The following UIMC1 variants were observed in gnomAD, a reference collection of about 807,000 sequenced individuals.
UIMC1 encodes the protein BRCA1-A complex subunit RAP80.
UIMC1 carries 42 observed loss-of-function variants against 84.9 expected under a neutral mutation model. That is an observed-to-expected ratio of 0.49 (90% CI 0.39 to 0.64). The LOEUF is 0.64. UIMC1 is among the 30% of genes least tolerant of loss of function. The pLI is 0.00. For missense variants in UIMC1, 825 were observed against 847.6 expected, an observed-to-expected ratio of 0.97 and a Z score of 0.33; for synonymous variants, 281 against 293.0, an observed-to-expected ratio of 0.96 and a Z score of 0.42.
intron 1 of UIMC1, among the ~76,000 whole-genome samples, chr5:176,989,901 C>T (rs750006730): frequency 4.6e-5 from 7 of 152,070 alleles, no homozygotes; most frequent in Non-Finnish European, 1.0e-4. Flanking sequence ...GGGCCTGGGG[C>T]CAGGCGCAGT....
chr5:176,908,528 G>C lies in UIMC1; in HGVS notation c.1843C>G (p.Pro615Ala), dbSNP rs1020969573. Residue 615 changes from proline (P) to alanine (A), a missense_variant, in exon 12 of 15, where the codon CCA (proline) becomes GCA (alanine). Physicochemically the swap from Pro to Ala is conservative, Grantham distance 27. Coordinates refer to ENST00000511320, the MANE Select transcript of UIMC1 (RefSeq NM_001199298.2). The stretch of plus-strand genomic sequence containing the variant: ...CCAAAACACTCTACACATACCTTTG[G>C]GTTCTTCAGCCTCTGCTGCCACTTC... ...EGKWQQRLKN[P>A]KEKGHSEGRL... The C allele has an allele frequency of 1.9e-6, 3 of 1,613,306 alleles. No homozygotes were observed. In the Admixed American group the frequency reaches 5.0e-5, roughly 27 times the overall value.
At chr5:176,933,868 G>A (rs1312929905) in intron 10 of UIMC1, among the ~76,000 whole-genome samples, 1 of 151,934 alleles carries the variant, frequency 6.6e-6, no homozygotes, top group African/African-American at 2.4e-5. Flanking sequence ...AAAAAAAATA[G>A]GTTAAAAAAA....
At chr5:176,981,598 T>C (rs997054031) in intron 2 of UIMC1, among the ~76,000 whole-genome samples, 1 of 151,796 alleles carries the variant, frequency 6.6e-6, no homozygotes, top group African/African-American at 2.4e-5. Context: ...GGGAGTTTGA[T>C]ACCATCCTGG....
intron 9 of UIMC1, among the ~76,000 whole-genome samples, chr5:176,945,383 T>A (rs1290847395): frequency 6.6e-6 from 1 of 152,214 alleles, no homozygotes; most frequent in African/African-American, 2.4e-5. Context: ...CCAAGGCATG[T>A]AGGGAGACTC....
At position 176,975,461 on chromosome 5, in the gene UIMC1, C is replaced by A. The variant is rs762901069; in HGVS notation, c.167G>T (p.Gly56Val). 1.4e-5 allele frequency: 23 copies of A among 1,613,858 alleles called. No homozygotes were observed. Among genetic ancestry groups the A allele is most frequent in the African/African-American group, 2.7e-5 (2 of 74,884 alleles). Reference sequence around the variant, plus strand: ...CTGTTTTGTCTTCGTTTTCTGCAACCCATTTTCCTCCTTTGGTTCCTGTTG... The same window carrying A: ...CTGTTTTGTCTTCGTTTTCTGCAACACATTTTCCTCCTTTGGTTCCTGTTG... ...SDGEEPKEENGLQKTKTKQSN... is the reference protein window; with the variant it reads ...SDGEEPKEENVLQKTKTKQSN... Residue 56 changes from glycine (G) to valine (V), a missense_variant, in exon 3 of 15, where the codon GGG becomes GTG. Physicochemically the swap from Gly to Val is moderately radical, Grantham distance 109. Coordinates refer to ENST00000511320, the MANE Select transcript of UIMC1 (RefSeq NM_001199298.2).
chr5:176,973,867 G>A (rs1769643735), intron 3 of UIMC1, among the ~76,000 whole-genome samples: 1 of 151,464 alleles, frequency 6.6e-6, no homozygotes, highest in African/African-American at 2.4e-5. Flanking sequence ...ATTCCAACCT[G>A]GACAACAGAG....
intron 10 of UIMC1, among the ~76,000 whole-genome samples, chr5:176,928,085 CT>C (rs1287157533): frequency 6.6e-5 from 10 of 152,274 alleles, no homozygotes; most frequent in African/African-American, 2.4e-4. Flanking sequence ...CTCAAGTGAT[CT>C]GTCCACCTCG....
At chr5:176,947,204 A>G (rs145786604) in intron 9 of UIMC1, among the ~76,000 whole-genome samples, 53 of 152,320 alleles carry the variant, frequency 3.5e-4, no homozygotes, top group Non-Finnish European at 7.4e-4. Flanking sequence ...ATGTTAAAAT[A>G]AGGTATTTTT....
chr5:176,997,705 A>C (rs1026469757), intron 1 of UIMC1, among the ~76,000 whole-genome samples: 6 of 129,546 alleles, frequency 4.6e-5, no homozygotes, highest in East Asian at 4.7e-4. Flanking sequence ...AAAAAAAAAA[A>C]CCCATTTCAA....
At chr5:176,965,438 T>G (rs899513258) in intron 6 of UIMC1, among the ~76,000 whole-genome samples, 5 of 151,772 alleles carry the variant, frequency 3.3e-5, no homozygotes, top group Admixed American at 3.3e-4. Context: ...AAAAAAAACT[T>G]CTGAGATACC....
chr5:176,984,989 G>C lies in UIMC1; in HGVS notation c.-8-2366C>G, dbSNP rs545108853. 7.9e-5 allele frequency among the ~76,000 whole-genome samples: 12 copies of C among 152,178 alleles called. No individual in the cohort carries two copies. The South Asian group carries it at 2.5e-3, about 32-fold the overall frequency. ...CAGGGACCTCTGCCTAGGAAAACCA[G>C]AGACCTTTGTTCATGTGTTTATCTG... On this transcript the variant is annotated intron_variant, in intron 1 of 14. Transcript: ENST00000511320.
Position 176,969,179 on chromosome 5 carries a change from C to G in UIMC1, c.576G>C (p.Glu192Asp). ...PWDHTEKTEE[E>D]PVSGSSGSWD... ...AGCTTCCTGAGCTGCCAGAGACCGG[C>G]TCCTCTTCAGTTTTTTCAGTGTGGT... is the stretch of plus-strand genomic sequence containing the variant. The change falls in exon 6 of 15, where the codon GAG (glutamate) becomes GAC (aspartate). Residue 192 changes from glutamate (E) to aspartate (D), a missense_variant. Glu to Asp is a conservative substitution (Grantham distance 45). Coordinates refer to ENST00000511320, the MANE Select transcript of UIMC1 (RefSeq NM_001199298.2). 1 of 1,614,182 alleles carries G rather than the reference C, an allele frequency of 6.2e-7. No homozygotes were observed. The highest frequency in any genetic ancestry group is 8.5e-7 in the Non-Finnish European group (1 of 1,180,030).
intron 1 of UIMC1, among the ~76,000 whole-genome samples, chr5:176,988,785 G>C (rs1453055758): frequency 6.6e-6 from 1 of 150,416 alleles, no homozygotes; most frequent in African/African-American, 2.4e-5. Flanking sequence ...CCGGGTTCAA[G>C]CAATTCTCCT....
At chr5:177,013,403 A>C (rs1005446576) in intron 1 of UIMC1, among the ~76,000 whole-genome samples, 17 of 115,318 alleles carry the variant, frequency 1.5e-4, no homozygotes, top group Middle Eastern at 4.1e-3. Flanking sequence ...CACACACACA[A>C]AGATACTTTC....
intron 6 of UIMC1, among the ~76,000 whole-genome samples, chr5:176,963,813 G>C (rs1767894413): frequency 6.6e-6 from 1 of 151,474 alleles, no homozygotes; most frequent in Non-Finnish European, 1.5e-5. Context: ...ATCAAAGTCA[G>C]TTCTCACAAC....
At chr5:176,974,790 T>C (rs147564896) in intron 3 of UIMC1, among the ~76,000 whole-genome samples, 1,622 of 151,506 alleles carry the variant, frequency 0.011, 9 homozygotes, top group South Asian at 0.025. Context: ...TCAGCCCGGG[T>C]GACAGAGCAC....
rs1769158913 is a variant in UIMC1 at position 176,971,259 on chromosome 5, G to A, written c.233-393C>T. On this transcript the variant is annotated intron_variant, in intron 3 of 14. Coordinates refer to ENST00000511320, the MANE Select transcript of UIMC1 (RefSeq NM_001199298.2). Reference sequence around the variant, plus strand: ...CGCAACGCTTTATGCTCAACATTTAGCCAGAACAATTTTACTCTTCAGAAT... The same window carrying A: ...CGCAACGCTTTATGCTCAACATTTAACCAGAACAATTTTACTCTTCAGAAT... Among the ~76,000 whole-genome samples, 7 of 152,208 alleles carry A rather than the reference G, an allele frequency of 4.6e-5. No homozygotes were observed. The South Asian group carries it at 1.4e-3, about 31-fold the overall frequency.
At chr5:176,986,539 A>AG (rs1477808307) in intron 1 of UIMC1, among the ~76,000 whole-genome samples, 1 of 46,470 alleles carries the variant, frequency 2.2e-5, no homozygotes, top group African/African-American at 5.9e-5. Flanking sequence ...CCCTGTCTCC[A>AG]AAAAAAAAAA....
chr5:176,921,418 T>C (rs900673196), intron 10 of UIMC1, among the ~76,000 whole-genome samples: 1 of 152,258 alleles, frequency 6.6e-6, no homozygotes, highest in Non-Finnish European at 1.5e-5. Context: ...TCTAGACTTG[T>C]ATATCCTGCT....
Sources: gnomAD v4.1 joint callset for allele counts (sites outside exome capture counted in the v4.1 genomes callset) on GRCh38, gnomAD v4.1.1 for gene constraint, MANE v1.5 for transcripts, NCBI Gene and HGNC (gene_info 2026-07-23, HGNC 2026-07-21) for gene names.